Variants in ALDH5A1 observed in about 807,000 individuals in gnomAD.
The protein encoded by ALDH5A1 is succinate-semialdehyde dehydrogenase, mitochondrial.
ALDH5A1 carries 33 observed loss-of-function variants against 54.7 expected under a neutral mutation model. The observed-to-expected ratio is 0.60, with a 90% CI of 0.46 to 0.81. ALDH5A1 has a LOEUF of 0.81. Among genes scored for constraint, ALDH5A1 ranks in the 30% least tolerant of loss-of-function variants. The probability of loss-of-function intolerance (pLI) is 0.00; values close to 1 mark genes in which losing one functional copy is unlikely to be tolerated. For missense variants in ALDH5A1, 657 were observed against 711.0 expected, an observed-to-expected ratio of 0.92 and a Z score of 0.86; for synonymous variants, 294 against 292.7, an observed-to-expected ratio of 1.00 and a Z score of -0.05.
Position 24,535,401 on chromosome 6 carries a change from TCA to T in ALDH5A1, c.*1692_*1693del, listed in dbSNP as rs1401980988. 5 of 152,366 alleles carry T rather than the reference TCA, an allele frequency of 3.3e-5. No homozygotes were observed. The highest frequency in any genetic ancestry group is 1.2e-4 in the African/African-American group (5 of 41,590). The allele number at this position is 152,366 out of a possible 1,614,324, so 9.4% of individuals were successfully genotyped here. A position where few individuals can be genotyped will look rare whatever the true frequency, so the allele number is the denominator to read the frequency against. ...GACAGTGCCCCGGCCCTGTCAAGAA[TCA>T]CATACTCAGCATTTTGACAGTTAAT... On this transcript the variant is annotated 3_prime_UTR_variant, in exon 10 of 10. Coordinates refer to ENST00000357578, the MANE Select transcript of ALDH5A1 (RefSeq NM_001080.3).
At chr6:24,520,831 C>T (rs1759669690) in intron 6 of ALDH5A1, among the ~76,000 whole-genome samples, 1 of 152,194 alleles carries the variant, frequency 6.6e-6, no homozygotes, top group Admixed American at 6.5e-5. Flanking sequence ...AAATAAGGTA[C>T]AGTCCCTGGC....
intron 5 of ALDH5A1, 109 bp downstream of exon 5, chr6:24,515,419 C>G: frequency 7.3e-7 from 1 of 1,366,842 alleles, no homozygotes; most frequent in Non-Finnish European, 1.0e-6. Context: ...AGATTTCCAG[C>G]AGAGTGTTAA....
chr6:24,517,071 A>G (rs1338313038), intron 5 of ALDH5A1, among the ~76,000 whole-genome samples: 1 of 151,938 alleles, frequency 6.6e-6, no homozygotes, highest in African/African-American at 2.4e-5. Context: ...CAGTGGCGTG[A>G]TCTTGGCTAA....
intron 5 of ALDH5A1, among the ~76,000 whole-genome samples, chr6:24,520,082 AT>A (rs1389949327): frequency 6.6e-6 from 1 of 151,828 alleles, no homozygotes; most frequent in African/African-American, 2.4e-5. Flanking sequence ...TATTTATTTA[AT>A]TTTTGAAATG....
chr6:24,506,104 C>CAT (rs1759344057), intron 4 of ALDH5A1, among the ~76,000 whole-genome samples: 1 of 151,892 alleles, frequency 6.6e-6, no homozygotes, highest in South Asian at 2.1e-4. Context: ...AGGAGATATA[C>CAT]ATATATGTGT....
At chr6:24,528,299 G>C (rs549021082) in intron 8 of ALDH5A1, 133 bp downstream of exon 8, 76 of 956,244 alleles carry the variant, frequency 7.9e-5, no homozygotes, top group South Asian at 7.6e-4. Flanking sequence ...TTGAAGAGCA[G>C]AGTGCAATTT....
At chr6:24,504,776 T>G in intron 3 of ALDH5A1, 93 bp from the exon 4 acceptor site, 105 of 1,254,566 alleles carry the variant, frequency 8.4e-5, no homozygotes, top group Non-Finnish European at 1.1e-4. Context: ...AGTTGTGCAA[T>G]GAAATTTGTT....
chr6:24,516,392 G>A (rs1473228533), intron 5 of ALDH5A1, among the ~76,000 whole-genome samples: 1 of 123,162 alleles, frequency 8.1e-6, no homozygotes, highest in Non-Finnish European at 1.6e-5. Context: ...GGTGAGCCGA[G>A]ATCACACCAC....
chr6:24,497,229 T>G (rs1284241935), intron 1 of ALDH5A1, among the ~76,000 whole-genome samples: 1 of 152,188 alleles, frequency 6.6e-6, no homozygotes, highest in Non-Finnish European at 1.5e-5. Flanking sequence ...TTCCCTTATT[T>G]ATCCCTTCCA....
At chr6:24,522,973 T>C (rs1759732037) in intron 7 of ALDH5A1, 48 bp downstream of exon 7, 2 of 1,574,784 alleles carry the variant, frequency 1.3e-6, no homozygotes, top group Non-Finnish European at 1.7e-6. Flanking sequence ...GGTTTCAATA[T>C]GAAAAGCTTA....
chr6:24,496,639 C>T (rs1764712152), intron 1 of ALDH5A1, among the ~76,000 whole-genome samples: 1 of 152,180 alleles, frequency 6.6e-6, no homozygotes, highest in Non-Finnish European at 1.5e-5. Context: ...ATTTTAGACT[C>T]ATGGAGTCTG....
In ALDH5A1 at chr6:24,508,399, CT is replaced by C; in HGVS notation, c.726+3415del. Among the ~76,000 whole-genome samples, 2 of 7,506 alleles carry C rather than the reference CT, an allele frequency of 2.7e-4. 1 individual carries two copies. Among genetic ancestry groups the C allele is most frequent in the South Asian group, 4.5e-3 (2 of 448 alleles). 4.9% of individuals were successfully genotyped at this position (7,506 alleles called of 152,430 possible). A position where few individuals can be genotyped will look rare whatever the true frequency, so the allele number is the denominator to read the frequency against. ...AAAAAAAAAAAAAAAGATTAATAGT[CT>C]CTAATCCTCTAATCTCATCCAGCCC... On this transcript the variant is annotated intron_variant, in intron 4 of 9. Coordinates refer to ENST00000357578, the MANE Select transcript of ALDH5A1 (RefSeq NM_001080.3).
intron 7 of ALDH5A1, among the ~76,000 whole-genome samples, chr6:24,525,378 T>C (rs560155279): frequency 2.0e-5 from 3 of 152,110 alleles, no homozygotes; most frequent in South Asian, 4.2e-4. Flanking sequence ...CTCACACCTA[T>C]ATTTACCTTC....
chr6:24,503,412 C>A lies in ALDH5A1; in HGVS notation c.588C>A (p.Gly196=), dbSNP rs145208127. The change falls in exon 3 of 10, where the codon GGC becomes GGA. Residue 196 remains glycine (G), a synonymous_variant. Transcript: ENST00000357578. ...CCCTGGTCCTCAAGCAGCCCATAGG[C>A]GTGGCTGCAGTCATCACCCCGGTAG... ...RRALVLKQPI[G]VAAVITPWNF... 3 of 1,613,082 alleles carry A rather than the reference C, an allele frequency of 1.9e-6. No individual in the cohort carries two copies. The African/African-American group carries it at 4.0e-5, about 22-fold the overall frequency.
chr6:24,530,835 T>G (rs1759923990), intron 8 of ALDH5A1, among the ~76,000 whole-genome samples: 1 of 152,210 alleles, frequency 6.6e-6, no homozygotes, highest in African/African-American at 2.4e-5. Context: ...AATGTCGCAT[T>G]GATCCAGGGA....
chr6:24,527,628 A>G (rs1759843901), intron 7 of ALDH5A1, among the ~76,000 whole-genome samples: 1 of 152,196 alleles, frequency 6.6e-6, no homozygotes, highest in South Asian at 2.1e-4. Flanking sequence ...AAAGCAACAA[A>G]AACTCAGTTC....
chr6:24,530,349 T>C (rs1303296363), intron 8 of ALDH5A1, among the ~76,000 whole-genome samples: 2 of 152,142 alleles, frequency 1.3e-5, no homozygotes, highest in Non-Finnish European at 2.9e-5. Flanking sequence ...TTGCTGTGGC[T>C]ATTTTTCCTT....
intron 4 of ALDH5A1, among the ~76,000 whole-genome samples, chr6:24,513,135 C>T (rs1348776610): frequency 6.6e-6 from 1 of 151,946 alleles, no homozygotes; most frequent in Non-Finnish European, 1.5e-5. Flanking sequence ...TCACGGCTCA[C>T]TGCAGCCTCG....
chr6:24,515,507 T>C (rs1368424922), intron 5 of ALDH5A1, among the ~76,000 whole-genome samples, 197 bp downstream of exon 5: 2 of 152,128 alleles, frequency 1.3e-5, no homozygotes, highest in Non-Finnish European at 2.9e-5. Flanking sequence ...GGCAGATCAC[T>C]TGAGGCCAGG....
Sources: allele counts gnomAD v4.1 joint callset (sites outside exome capture counted in the v4.1 genomes callset), GRCh38; gene constraint gnomAD v4.1.1; transcripts MANE v1.5; gene names NCBI Gene and HGNC (gene_info 2026-07-23, HGNC 2026-07-21).